The following SORCS3 variants were observed in gnomAD, a reference collection of about 807,000 sequenced individuals.
The protein encoded by SORCS3 is sortilin related VPS10 domain containing receptor 3.
A neutral mutation model predicts 146.3 loss-of-function variants in SORCS3; 57 were observed. That is an observed-to-expected ratio of 0.39 (90% CI 0.31 to 0.49). The LOEUF is 0.49. Among genes scored for constraint, SORCS3 ranks in the 20% least tolerant of loss-of-function variants. The probability of loss-of-function intolerance (pLI) is 0.92; values close to 1 mark genes in which losing one functional copy is unlikely to be tolerated. For missense variants in SORCS3, 1,341 were observed against 1,575.5 expected, an observed-to-expected ratio of 0.85 and a Z score of 2.52; for synonymous variants, 653 against 618.5, an observed-to-expected ratio of 1.06 and a Z score of -0.83.
intron 2 of SORCS3, among the ~76,000 whole-genome samples, chr10:104,845,685 G>T (rs1431057191): frequency 6.6e-6 from 1 of 152,182 alleles, no homozygotes. Context: ...GGGTTAGGGA[G>T]GGGAGAAGAG....
At chr10:105,135,059 G>A (rs930966651) in intron 7 of SORCS3, among the ~76,000 whole-genome samples, 1 of 152,030 alleles carries the variant, frequency 6.6e-6, no homozygotes, top group Non-Finnish European at 1.5e-5. Flanking sequence ...AACAAGTCTC[G>A]GTGAAGTCCA....
intron 1 of SORCS3, among the ~76,000 whole-genome samples, chr10:104,801,504 A>G (rs1321142659): frequency 6.6e-6 from 1 of 152,246 alleles, no homozygotes; most frequent in Admixed American, 6.5e-5. Flanking sequence ...CCCACCAGCC[A>G]CAGATGAATG....
intron 4 of SORCS3, among the ~76,000 whole-genome samples, chr10:104,980,969 T>C (rs1340653244): frequency 1.3e-5 from 2 of 152,312 alleles, no homozygotes; most frequent in South Asian, 4.1e-4. Flanking sequence ...GGGAAACATG[T>C]CTACCTGATA....
chr10:104,732,678 A>C (rs1307181195), intron 1 of SORCS3, among the ~76,000 whole-genome samples: 2 of 152,138 alleles, frequency 1.3e-5, no homozygotes, highest in African/African-American at 4.8e-5. Context: ...CTTGGGCTAA[A>C]ATGTGCATAT....
At chr10:104,832,571 A>G (rs1460336202) in intron 1 of SORCS3, among the ~76,000 whole-genome samples, 1 of 152,068 alleles carries the variant, frequency 6.6e-6, no homozygotes, top group African/African-American at 2.4e-5. Context: ...TACAAAAATT[A>G]CCCAGGCATG....
intron 3 of SORCS3, among the ~76,000 whole-genome samples, chr10:104,921,866 TG>T (rs1564713859): frequency 6.6e-6 from 1 of 152,154 alleles, no homozygotes; most frequent in Non-Finnish European, 1.5e-5. Flanking sequence ...CCCTGTTGCC[TG>T]GGGTTTTCTG....
chr10:104,668,336 AG>A (rs1449316700), intron 1 of SORCS3, among the ~76,000 whole-genome samples: 2 of 152,160 alleles, frequency 1.3e-5, no homozygotes, highest in African/African-American at 4.8e-5. Flanking sequence ...AGAACTACTA[AG>A]TGCCTTTTTT....
chr10:104,716,732 A>G (rs918895381), intron 1 of SORCS3, among the ~76,000 whole-genome samples: 1 of 152,116 alleles, frequency 6.6e-6, no homozygotes, highest in Non-Finnish European at 1.5e-5. Context: ...TTGTCTGCGG[A>G]ATGTTTTGGG....
At chr10:105,184,950 A>T (rs1453991132) in intron 14 of SORCS3, among the ~76,000 whole-genome samples, 1 of 152,194 alleles carries the variant, frequency 6.6e-6, no homozygotes, top group Non-Finnish European at 1.5e-5. Flanking sequence ...CTTTATGTGC[A>T]TTGAAGAACT....
chr10:105,226,046 T>A (rs541862536), intron 20 of SORCS3, among the ~76,000 whole-genome samples: 1 of 151,898 alleles, frequency 6.6e-6, no homozygotes, highest in South Asian at 2.1e-4. Context: ...TGGCTTTTAT[T>A]TTTTTTTCTC....
intron 1 of SORCS3, among the ~76,000 whole-genome samples, chr10:104,731,722 C>A (rs907649071): frequency 6.6e-6 from 1 of 151,722 alleles, no homozygotes; most frequent in Non-Finnish European, 1.5e-5. Context: ...GTAGATTTAC[C>A]GAGCTGTGAG....
At chr10:105,143,686 G>C (rs2056110592) in intron 8 of SORCS3, among the ~76,000 whole-genome samples, 2 of 152,120 alleles carry the variant, frequency 1.3e-5, no homozygotes, top group Non-Finnish European at 2.9e-5. Flanking sequence ...GAAAGAGACA[G>C]ACATCAAACA....
intron 4 of SORCS3, among the ~76,000 whole-genome samples, chr10:104,991,752 G>A (rs1354319140): frequency 6.6e-6 from 1 of 152,096 alleles, no homozygotes; most frequent in Non-Finnish European, 1.5e-5. Context: ...GCCCACCTTG[G>A]CCTCCCAAAG....
chr10:104,699,825 T>A (rs1326155926), intron 1 of SORCS3, among the ~76,000 whole-genome samples: 1 of 152,302 alleles, frequency 6.6e-6, no homozygotes, highest in East Asian at 1.9e-4. Flanking sequence ...ATAGATTTTT[T>A]AAAATATGAA....
At chr10:105,039,294 T>G (rs2055324224) in intron 4 of SORCS3, among the ~76,000 whole-genome samples, 4 of 152,146 alleles carry the variant, frequency 2.6e-5, no homozygotes, top group Non-Finnish European at 5.9e-5. Flanking sequence ...AGGAGCCTGC[T>G]CTTTCTGTTC....
chr10:104,849,219 T>A (rs1158164044), intron 2 of SORCS3, among the ~76,000 whole-genome samples: 1 of 152,068 alleles, frequency 6.6e-6, no homozygotes, highest in African/African-American at 2.4e-5. Context: ...ACGACCAGCC[T>A]GGCCAACATG....
rs550688685 is a variant in SORCS3 at position 104,748,424 on chromosome 10, A to G, written c.628-94368A>G. Among the ~76,000 whole-genome samples, 11 of 152,300 alleles carry G rather than the reference A, an allele frequency of 7.2e-5. No homozygotes were observed. In the East Asian group the frequency reaches 2.1e-3, roughly 29 times the overall value. On this transcript the variant is annotated intron_variant, in intron 1 of 26. Coordinates refer to ENST00000369701, the MANE Select transcript of SORCS3 (RefSeq NM_014978.3). Reference sequence around the variant, plus strand: ...TTATTTTCCTTTCTTTTAAAATTAAAAGCAATGGGAACCGTCTGGAATCCA... The same window carrying G: ...TTATTTTCCTTTCTTTTAAAATTAAGAGCAATGGGAACCGTCTGGAATCCA...
At chr10:105,232,270 G>T (rs1011438774) in intron 20 of SORCS3, among the ~76,000 whole-genome samples, 1 of 152,070 alleles carries the variant, frequency 6.6e-6, no homozygotes, top group Non-Finnish European at 1.5e-5. Flanking sequence ...AGTTTTAACA[G>T]ATTGTGTCTT....
intron 18 of SORCS3, among the ~76,000 whole-genome samples, chr10:105,215,837 A>G (rs1453937450): frequency 1.3e-5 from 2 of 152,208 alleles, no homozygotes; most frequent in Non-Finnish European, 2.9e-5. Context: ...GGATTGGCTC[A>G]TAATTCCAAA....
Sources: gnomAD v4.1 joint callset for allele counts (sites outside exome capture counted in the v4.1 genomes callset) on GRCh38, gnomAD v4.1.1 for gene constraint, MANE v1.5 for transcripts, NCBI Gene and HGNC (gene_info 2026-07-23, HGNC 2026-07-21) for gene names.